CDH2: variants seen among roughly 807,000 people sequenced by gnomAD.
The protein encoded by CDH2 is cadherin 2.
Under a neutral mutation model 92.0 loss-of-function variants are expected in CDH2, and 17 were observed. The observed-to-expected ratio is 0.18, with a 90% CI of 0.13 to 0.28. The LOEUF (loss-of-function observed/expected upper bound fraction) is 0.28, where lower values mean the gene tolerates loss of function less well. Among genes scored for constraint, CDH2 ranks in the 10% least tolerant of loss-of-function variants. CDH2 has a pLI of 1.00. For missense variants in CDH2, 862 were observed against 1,133.1 expected, an observed-to-expected ratio of 0.76 and a Z score of 3.44; for synonymous variants, 419 against 415.9, an observed-to-expected ratio of 1.01 and a Z score of -0.09.
intron 2 of CDH2, among the ~76,000 whole-genome samples, chr18:28,108,873 TC>T (rs200993529): frequency 0.017 from 2,554 of 152,058 alleles, 37 homozygotes; most frequent in Middle Eastern, 0.041. Flanking sequence ...TCCCCTCTCT[TC>T]CCTCCTACTC....
intron 2 of CDH2, among the ~76,000 whole-genome samples, chr18:28,040,396 A>C (rs1208408694): frequency 6.6e-6 from 1 of 151,156 alleles, no homozygotes; most frequent in African/African-American, 2.5e-5. Flanking sequence ...AGCGAGTTCC[A>C]TCACATCAGC....
rs201229604 is a variant in CDH2 at position 27,990,058 on chromosome 18, T to C, written c.1598+39A>G. 51 of 1,590,252 alleles carry C rather than the reference T, an allele frequency of 3.2e-5. No homozygotes were observed. In the South Asian group the frequency reaches 5.2e-4, roughly 16 times the overall value. On this transcript the variant is annotated intron_variant, in intron 10 of 15. Coordinates refer to ENST00000269141, the MANE Select transcript of CDH2 (RefSeq NM_001792.5). The stretch of plus-strand genomic sequence containing the variant: ...TAAATTTTATGCACAGCATAGAACA[T>C]AAGTAAGCTACAAAAACACTACAAA...
chr18:28,125,099 G>A (rs1318600644), intron 2 of CDH2, among the ~76,000 whole-genome samples: 1 of 152,172 alleles, frequency 6.6e-6, no homozygotes, highest in Non-Finnish European at 1.5e-5. Context: ...CAGTACGTGA[G>A]ACATTAGAAA....
chr18:27,957,614 T>C (rs370502149), intron 15 of CDH2, among the ~76,000 whole-genome samples: 119 of 152,244 alleles, frequency 7.8e-4, no homozygotes, highest in African/African-American at 2.8e-3. Context: ...CTACAGAGGC[T>C]GTTTTGTATT....
At chr18:27,959,087 A>T (rs2011331047) in intron 15 of CDH2, among the ~76,000 whole-genome samples, 1 of 152,236 alleles carries the variant, frequency 6.6e-6, no homozygotes, top group African/African-American at 2.4e-5. Context: ...ACAAAGAAAT[A>T]CACAGGATTA....
At chr18:28,089,018 C>T (rs1234214719) in intron 2 of CDH2, among the ~76,000 whole-genome samples, 1 of 152,140 alleles carries the variant, frequency 6.6e-6, no homozygotes, top group Non-Finnish European at 1.5e-5. Flanking sequence ...AAAGCCTACA[C>T]ACTGTGATTT....
chr18:28,133,574 T>A (rs1490257994), intron 2 of CDH2, among the ~76,000 whole-genome samples: 1 of 125,846 alleles, frequency 7.9e-6, no homozygotes, highest in African/African-American at 3.1e-5. Context: ...AGAGCGAGAC[T>A]CTGTCTCAAA....
At chr18:28,152,741 T>C (rs553395681) in intron 1 of CDH2, among the ~76,000 whole-genome samples, 33 of 152,208 alleles carry the variant, frequency 2.2e-4, no homozygotes, top group African/African-American at 7.7e-4. Flanking sequence ...ACCGAATGCA[T>C]CTGACAGAGA....
chr18:28,034,822 C>T (rs1047702211), intron 2 of CDH2, among the ~76,000 whole-genome samples: 12 of 152,088 alleles, frequency 7.9e-5, no homozygotes, highest in Non-Finnish European at 1.6e-4. Flanking sequence ...AGTATAAATC[C>T]TTGAAGTTCA....
intron 15 of CDH2, among the ~76,000 whole-genome samples, chr18:27,954,120 AAT>A (rs1909596856): frequency 6.6e-6 from 1 of 152,178 alleles, no homozygotes; most frequent in South Asian, 2.1e-4. Flanking sequence ...GCCTGTGTAA[AAT>A]AAAATAAAGC....
At chr18:28,050,176 T>C (rs2014162907) in intron 2 of CDH2, among the ~76,000 whole-genome samples, 1 of 152,196 alleles carries the variant, frequency 6.6e-6, no homozygotes, top group Non-Finnish European at 1.5e-5. Context: ...CGAGGTGGTT[T>C]GTTATGCAGC....
chr18:28,159,666 T>G (rs1034627456), intron 1 of CDH2, among the ~76,000 whole-genome samples: 9 of 151,632 alleles, frequency 5.9e-5, no homozygotes, highest in East Asian at 1.9e-4. Context: ...TTGTTTTTTT[T>G]TTTTTTTTGA....
chr18:27,982,566 G>A (rs577410958), intron 14 of CDH2, among the ~76,000 whole-genome samples: 1 of 152,270 alleles, frequency 6.6e-6, no homozygotes, highest in Non-Finnish European at 1.5e-5. Context: ...AATACTTGGG[G>A]AATAAATAGT....
Position 28,040,749 on chromosome 18 carries a change from A to G in CDH2, c.173-26840T>C, listed in dbSNP as rs17463115. Among the ~76,000 whole-genome samples, 245 of 152,306 alleles carry G rather than the reference A, an allele frequency of 1.6e-3. 1 individual carries two copies. The East Asian group carries it at 0.018, about 11-fold the overall frequency. On this transcript the variant is annotated intron_variant, in intron 2 of 15. Coordinates refer to ENST00000269141, the MANE Select transcript of CDH2 (RefSeq NM_001792.5). ...ACAAAAATATTATACACAGAATACCAAATGGGTGACTCCCATCCCAGCTTA... is the reference window on the plus strand; with the variant it reads ...ACAAAAATATTATACACAGAATACCGAATGGGTGACTCCCATCCCAGCTTA...
At chr18:28,037,717 C>A (rs2013863798) in intron 2 of CDH2, among the ~76,000 whole-genome samples, 1 of 152,138 alleles carries the variant, frequency 6.6e-6, no homozygotes, top group Non-Finnish European at 1.5e-5. Flanking sequence ...CTTACAAAAA[C>A]TTGGTAGACA....
At position 27,951,848 on chromosome 18, in the gene CDH2, G is replaced by C. The variant is rs1425096102; in HGVS notation, c.*305C>G. On this transcript the variant is annotated 3_prime_UTR_variant, in exon 16 of 16. Coordinates refer to ENST00000269141, the MANE Select transcript of CDH2 (RefSeq NM_001792.5). ...ATTTTGTCTTTTACTTATCGTTTCA[G>C]AAATCAGTACCATTAAAGCCTTAAA... The C allele has an allele frequency of 3.6e-6, 1 of 278,510 alleles. No homozygotes were observed. Among genetic ancestry groups the C allele is most frequent in the Non-Finnish European group, 6.9e-6 (1 of 145,056 alleles). The allele number at this position is 278,510 out of a possible 1,614,324, so 17.3% of individuals were successfully genotyped here.
intron 7 of CDH2, among the ~76,000 whole-genome samples, chr18:28,001,617 TA>T (rs2012769294): frequency 6.6e-6 from 1 of 152,180 alleles, no homozygotes; most frequent in Non-Finnish European, 1.5e-5. Context: ...AAGTACTACT[TA>T]AGAAACTAAA....
At chr18:28,028,828 T>C (rs2013623359) in intron 2 of CDH2, among the ~76,000 whole-genome samples, 1 of 152,092 alleles carries the variant, frequency 6.6e-6, no homozygotes, top group South Asian at 2.1e-4. Flanking sequence ...TATTAAGTAT[T>C]TAACATATAC....
chr18:28,064,646 C>G (rs963549198), intron 2 of CDH2, among the ~76,000 whole-genome samples: 1 of 150,374 alleles, frequency 6.7e-6, no homozygotes, highest in Non-Finnish European at 1.5e-5. Context: ...TAAAGAAATG[C>G]GAACAAAAAA....
Sources: gnomAD v4.1 joint callset for allele counts (sites outside exome capture counted in the v4.1 genomes callset) on GRCh38, gnomAD v4.1.1 for gene constraint, MANE v1.5 for transcripts, NCBI Gene and HGNC (gene_info 2026-07-23, HGNC 2026-07-21) for gene names.